The following LUZP1 variants were observed in gnomAD, a reference collection of about 807,000 sequenced individuals.
The protein encoded by LUZP1 is leucine zipper protein 1, also known as filamin mechanobinding actin cross-linking protein.
Under a neutral mutation model 71.3 loss-of-function variants are expected in LUZP1, and 25 were observed. That is an observed-to-expected ratio of 0.35 (90% CI 0.26 to 0.49). The LOEUF is 0.49. LUZP1 is among the 20% of genes least tolerant of loss of function. The pLI is 0.99. For synonymous variants in LUZP1, 481 were observed against 506.4 expected (o/e 0.95, Z 0.67); for missense variants, 1,142 against 1,300.8 (o/e 0.88, Z 1.88).
At chr1:23,122,403 T>C (rs781765255) in intron 2 of LUZP1, among the ~76,000 whole-genome samples, 1 of 152,300 alleles carries the variant, frequency 6.6e-6, no homozygotes, top group Middle Eastern at 3.4e-3. Context: ...CCAGAGTGAA[T>C]GCATTAGGGC....
chr1:23,139,019 A>ATATATATATATATAT (rs1553140198), intron 2 of LUZP1, among the ~76,000 whole-genome samples: 3 of 59,950 alleles, frequency 5.0e-5, no homozygotes, highest in Non-Finnish European at 8.1e-5. Flanking sequence ...AAAAAAAAAA[A>ATATATATATATATAT]ATATATATAT....
At chr1:23,150,951 T>TA (rs1644378605) in intron 2 of LUZP1, among the ~76,000 whole-genome samples, 1 of 152,224 alleles carries the variant, frequency 6.6e-6, no homozygotes, top group Non-Finnish European at 1.5e-5. Flanking sequence ...TGTTGTGTTC[T>TA]ACAAAGGCAT....
exon 5 of LUZP1, chr1:23,087,146 A>C (rs1057315826): frequency 3.3e-5 from 5 of 152,218 alleles, no homozygotes; most frequent in African/African-American, 1.2e-4. Context: ...ACTGTGTGGC[A>C]CTGGGCAAGG....
intron 3 of LUZP1, among the ~76,000 whole-genome samples, chr1:23,100,444 T>C (rs1379287639): frequency 6.6e-6 from 1 of 151,868 alleles, no homozygotes; most frequent in African/African-American, 2.4e-5. Context: ...CACAATTCTC[T>C]CCCCCTGACC....
At position 23,177,505 on chromosome 1, in the gene LUZP1, G is replaced by T. The variant is rs560773738; in HGVS notation, c.-499C>A. ...TGAACACTCACCTAGAAACCCTCAG[G>T]CCTCAGCATCTCACCACCCAAAAGA... On this transcript the variant is annotated 5_prime_UTR_variant, in exon 1 of 5. Transcript: ENST00000302291. The T allele has an allele frequency of 2.0e-5, 3 of 152,424 alleles. No homozygotes were observed. The East Asian group carries it at 5.8e-4, about 29-fold the overall frequency. 9.4% of individuals were successfully genotyped at this position (152,424 alleles called of 1,614,324 possible). A position where few individuals can be genotyped will look rare whatever the true frequency, so the allele number is the denominator to read the frequency against.
intron 2 of LUZP1, among the ~76,000 whole-genome samples, chr1:23,112,663 G>C (rs1344800479): frequency 2.0e-5 from 3 of 152,178 alleles, no homozygotes; most frequent in South Asian, 4.1e-4. Flanking sequence ...AAAATAAGTT[G>C]AAAGTTGGAA....
At chr1:23,102,783 G>C (rs1643941786) in intron 3 of LUZP1, among the ~76,000 whole-genome samples, 1 of 152,118 alleles carries the variant, frequency 6.6e-6, no homozygotes, top group South Asian at 2.1e-4. Context: ...AATACTGCAA[G>C]ACCCTGTCTC....
At chr1:23,123,913 T>G (rs1319712782) in intron 2 of LUZP1, among the ~76,000 whole-genome samples, 1 of 152,136 alleles carries the variant, frequency 6.6e-6, no homozygotes, top group Non-Finnish European at 1.5e-5. Context: ...AGATCCAACT[T>G]TCAAAGTAGT....
intron 3 of LUZP1, among the ~76,000 whole-genome samples, chr1:23,107,350 GT>G (rs1268811125): frequency 3.9e-5 from 6 of 151,916 alleles, no homozygotes; most frequent in African/African-American, 1.5e-4. Flanking sequence ...ATTTTTATCT[GT>G]TTCCACCCAT....
intron 2 of LUZP1, among the ~76,000 whole-genome samples, chr1:23,119,779 A>T (rs16828001): frequency 6.6e-6 from 1 of 152,242 alleles, no homozygotes; most frequent in Non-Finnish European, 1.5e-5. Context: ...ACTGAAAATT[A>T]TAAGTGCCTA....
At chr1:23,127,309 G>C (rs1485439613) in intron 2 of LUZP1, among the ~76,000 whole-genome samples, 1 of 152,114 alleles carries the variant, frequency 6.6e-6, no homozygotes, top group Non-Finnish European at 1.5e-5. Flanking sequence ...TTTGAATTCA[G>C]GTCTACCTGA....
At chr1:23,169,231 C>T (rs964803944) in intron 1 of LUZP1, among the ~76,000 whole-genome samples, 2 of 152,068 alleles carry the variant, frequency 1.3e-5, no homozygotes, top group East Asian at 3.9e-4. Context: ...TGGTGGCGCC[C>T]GCCGGTAAGC....
exon 5 of LUZP1, chr1:23,085,277 T>G (rs1024867392): frequency 5.2e-5 from 8 of 152,666 alleles, no homozygotes; most frequent in African/African-American, 1.9e-4. Flanking sequence ...ATTTGAGGGC[T>G]ACTTTCTTAG....
chr1:23,101,446 C>A (rs559628773), intron 3 of LUZP1, among the ~76,000 whole-genome samples: 71 of 151,828 alleles, frequency 4.7e-4, no homozygotes, highest in Admixed American at 4.0e-3. Flanking sequence ...AGTTTATATT[C>A]TTTTAAGAAT....
intron 2 of LUZP1, among the ~76,000 whole-genome samples, chr1:23,115,748 C>G: frequency 6.6e-6 from 1 of 152,012 alleles, no homozygotes; most frequent in Non-Finnish European, 1.5e-5. Flanking sequence ...ACCATGTTGG[C>G]CAGGCTGGTT....
intron 2 of LUZP1, among the ~76,000 whole-genome samples, chr1:23,132,006 T>C (rs983373383): frequency 4.6e-5 from 7 of 152,114 alleles, no homozygotes; most frequent in Non-Finnish European, 1.0e-4. Flanking sequence ...TTATTTTTAA[T>C]TTTATTTTCA....
At chr1:23,092,490 T>C (rs763972912) in exon 4 of LUZP1, 8 of 1,614,210 alleles carry the variant, frequency 5.0e-6, no homozygotes, top group East Asian at 2.2e-5. Context: ...GCAACTGTTA[T>C]CAGCCTCAAG....
At chr1:23,140,035 C>G (rs542027604) in intron 2 of LUZP1, among the ~76,000 whole-genome samples, 1 of 152,118 alleles carries the variant, frequency 6.6e-6, no homozygotes, top group Admixed American at 6.5e-5. Context: ...AGGTTACACT[C>G]AGGCCTTGGA....
Position 23,138,997 on chromosome 1 carries a change from C to CAAAAAAAAAAAAA in LUZP1, c.-226+29756_-226+29768dup, listed in dbSNP as rs535524035. ...TGGGTGACAGAGCAAGACTCCATCTCAAAAAAAAAAAAAAAAAAAAAAATA... is the reference window on the plus strand; with the variant it reads ...TGGGTGACAGAGCAAGACTCCATCTCAAAAAAAAAAAAAAAAAAAAAAAAAAAAAAAAAAAATA... On this transcript the variant is annotated intron_variant, in intron 2 of 4. Transcript: ENST00000302291. 3.2e-4 allele frequency among the ~76,000 whole-genome samples: 7 copies of CAAAAAAAAAAAAA among 21,582 alleles called. 1 individual carries two copies. Among genetic ancestry groups the CAAAAAAAAAAAAA allele is most frequent in the African/African-American group, 3.7e-4 (2 of 5,420 alleles). 14.2% of individuals were successfully genotyped at this position (21,582 alleles called of 152,430 possible).
Sources: allele counts gnomAD v4.1 joint callset (sites outside exome capture counted in the v4.1 genomes callset), GRCh38; gene constraint gnomAD v4.1.1; transcripts MANE v1.5; gene names NCBI Gene and HGNC (gene_info 2026-07-23, HGNC 2026-07-21).